The following MTA3 variants were observed in gnomAD, a reference collection of about 807,000 sequenced individuals.
MTA3 encodes the protein metastasis associated 1 family member 3, also known as metastasis-associated protein MTA3.
Under a neutral mutation model 83.5 loss-of-function variants are expected in MTA3, and 34 were observed. The ratio of observed to expected loss-of-function variants is 0.41; its 90% CI spans 0.31 to 0.54. MTA3 has a LOEUF of 0.54. MTA3 is among the 20% of genes least tolerant of loss of function. The pLI, the probability that MTA3 is intolerant of heterozygous loss-of-function variation, is 0.33. For missense variants in MTA3, 761 were observed against 726.4 expected, an observed-to-expected ratio of 1.05 and a Z score of -0.55; for synonymous variants, 303 against 252.7, an observed-to-expected ratio of 1.20 and a Z score of -1.89.
chr2:42,630,230 GAAGTGAGCCA>G (rs994269025), intron 4 of MTA3, among the ~76,000 whole-genome samples: 7 of 152,152 alleles, frequency 4.6e-5, no homozygotes, highest in African/African-American at 1.4e-4. Flanking sequence ...CAATAGCAGA[GAAGTGAGCCA>G]AAGTGCAGCC....
intron 3 of MTA3, among the ~76,000 whole-genome samples, chr2:42,599,990 A>G (rs1004191137): frequency 3.3e-5 from 5 of 151,908 alleles, no homozygotes; most frequent in African/African-American, 1.2e-4. Context: ...AGGTCAGGAG[A>G]TTGAGACCAT....
rs556595739 is a variant in MTA3, at chr2:42,627,491, C to G, written c.318-12682C>G. Among the ~76,000 whole-genome samples, 206 of 152,206 alleles carry G rather than the reference C, an allele frequency of 1.4e-3. 2 individuals are homozygous for G. Among genetic ancestry groups the G allele is most frequent in the African/African-American group, 4.7e-3 (194 of 41,562 alleles). The stretch of plus-strand genomic sequence containing the variant: ...CTTCTTAGTCTTTCCCTTTGGTCTT[C>G]CAAAATTTTCTGAAAATCTTTATTC... On this transcript the variant is annotated intron_variant, in intron 4 of 16. Transcript: ENST00000405094.
intron 16 of MTA3, among the ~76,000 whole-genome samples, chr2:42,734,352 C>A (rs964562699): frequency 1.3e-5 from 2 of 149,898 alleles, no homozygotes. Context: ...ATAGCTACTC[C>A]TGCTCTTTTT....
At chr2:42,645,526 AAAAC>A (rs141409989) in intron 6 of MTA3, among the ~76,000 whole-genome samples, 112,443 of 150,296 alleles carry the variant, frequency 0.75, 42,384 homozygotes, top group South Asian at 0.87. Context: ...CTTTGTCTAA[AAAAC>A]AAACAAACAA....
intron 16 of MTA3, among the ~76,000 whole-genome samples, chr2:42,734,775 T>C (rs1273279978): frequency 6.6e-6 from 1 of 152,186 alleles, no homozygotes; most frequent in East Asian, 1.9e-4. Flanking sequence ...TAACCTGTTA[T>C]TTTAAACTGA....
intron 14 of MTA3, among the ~76,000 whole-genome samples, chr2:42,712,474 A>G (rs915087662): frequency 3.3e-5 from 5 of 151,932 alleles, no homozygotes; most frequent in Admixed American, 6.6e-5. Context: ...TTTTTTAGAG[A>G]TGGGGCCTCA....
intron 8 of MTA3, 81 bp from the exon 9 acceptor site, chr2:42,682,320 A>C: frequency 1.0e-6 from 1 of 991,832 alleles, no homozygotes; most frequent in East Asian, 2.7e-5. Flanking sequence ...AGTACATCAT[A>C]TATTTTAGTG....
At chr2:42,641,295 C>G (rs1417542863) in intron 5 of MTA3, among the ~76,000 whole-genome samples, 1 of 147,062 alleles carries the variant, frequency 6.8e-6, no homozygotes, top group Non-Finnish European at 1.5e-5. Flanking sequence ...AAGTTTGATA[C>G]AATCATGCAG....
intron 8 of MTA3, among the ~76,000 whole-genome samples, chr2:42,680,780 A>T (rs1691816463): frequency 6.6e-6 from 1 of 152,192 alleles, no homozygotes. Context: ...AAAATAGGGC[A>T]TCACTCTGTT....
At chr2:42,536,606 TC>T (rs1157542220) in intron 2 of MTA3, among the ~76,000 whole-genome samples, 2 of 152,130 alleles carry the variant, frequency 1.3e-5, no homozygotes, top group Non-Finnish European at 2.9e-5. Context: ...ACGCCTGTAA[TC>T]CCAGCACTTT....
intron 6 of MTA3, 128 bp downstream of exon 6, chr2:42,644,372 C>T: frequency 1.8e-6 from 1 of 559,758 alleles, no homozygotes; most frequent in Non-Finnish European, 3.1e-6. Context: ...TGCCATTTTA[C>T]TGTTCTTTGT....
At chr2:42,579,034 A>G (rs553851833) in intron 2 of MTA3, 73 bp from the exon 3 acceptor site, 2 of 964,164 alleles carry the variant, frequency 2.1e-6, no homozygotes, top group African/African-American at 3.3e-5. Context: ...ATTGTGCTGT[A>G]TCTAGTTTCG....
intron 3 of MTA3, among the ~76,000 whole-genome samples, chr2:42,606,500 C>T (rs1228679326): frequency 1.1e-4 from 17 of 149,702 alleles, no homozygotes; most frequent in Admixed American, 2.0e-4. Flanking sequence ...GGCAGAGACG[C>T]CCCTCACTTC....
At chr2:42,596,003 A>T (rs2103968690) in intron 3 of MTA3, among the ~76,000 whole-genome samples, 1 of 152,354 alleles carries the variant, frequency 6.6e-6, no homozygotes, top group Middle Eastern at 3.4e-3. Flanking sequence ...CGAGAGAAAT[A>T]CTAAAGAGAG....
In MTA3 at chr2:42,754,857, CAG is replaced by C. The variant is rs1174883392; in HGVS notation, c.*1465_*1466del. 4.1e-6 allele frequency: 4 copies of C among 985,550 alleles called. No homozygotes were observed. Among genetic ancestry groups the C allele is most frequent in the South Asian group, 9.4e-5 (2 of 21,288 alleles). The allele number at this position is 985,550 out of a possible 1,614,324, so 61.1% of individuals were successfully genotyped here. ...TCCTCGGAGGCTGAGCTCCGCTTGG[CAG>C]AGAGAGCGTGCTGTGTGAGGTGGAG... On this transcript the variant is annotated 3_prime_UTR_variant, in exon 17 of 17. Coordinates refer to ENST00000405094, the MANE Select transcript of MTA3 (RefSeq NM_001330442.2).
At chr2:42,677,723 T>C (rs1220872800) in intron 8 of MTA3, among the ~76,000 whole-genome samples, 2 of 152,118 alleles carry the variant, frequency 1.3e-5, no homozygotes, top group Non-Finnish European at 2.9e-5. Context: ...CGTGACTTGC[T>C]CCTCCTTGCC....
intron 6 of MTA3, among the ~76,000 whole-genome samples, chr2:42,647,288 A>G (rs558803413): frequency 1.3e-5 from 2 of 151,870 alleles, no homozygotes; most frequent in East Asian, 2.0e-4. Context: ...CAGTGGCACA[A>G]TCTTGGCTCA....
chr2:42,572,013 C>T (rs945896139), intron 2 of MTA3, among the ~76,000 whole-genome samples: 2 of 151,678 alleles, frequency 1.3e-5, no homozygotes, highest in African/African-American at 4.8e-5. Context: ...CACGGTGGCT[C>T]ACGCCTGTAA....
At chr2:42,570,540 A>T (rs1465009923) in intron 2 of MTA3, 36 bp downstream of exon 2, 4 of 1,247,674 alleles carry the variant, frequency 3.2e-6, no homozygotes, top group Non-Finnish European at 4.4e-6. Flanking sequence ...AATATTAAAA[A>T]TATTTATTTT....
Sources: allele counts gnomAD v4.1 joint callset (sites outside exome capture counted in the v4.1 genomes callset), GRCh38; gene constraint gnomAD v4.1.1; transcripts MANE v1.5; gene names NCBI Gene and HGNC (gene_info 2026-07-23, HGNC 2026-07-21).